FGGY: variants seen among roughly 807,000 people sequenced by gnomAD.
The protein encoded by FGGY is FGGY carbohydrate kinase domain containing, also known as FGGY carbohydrate kinase domain-containing protein.
Under a neutral mutation model 71.3 loss-of-function variants are expected in FGGY, and 72 were observed. That is an observed-to-expected ratio of 1.01 (90% CI 0.84 to 1.23). The LOEUF (loss-of-function observed/expected upper bound fraction) is 1.23. Ranked by LOEUF, FGGY falls within the 50% of genes most tolerant of loss-of-function variation. The pLI is 0.00. For missense variants in FGGY, 668 were observed against 682.3 expected, an observed-to-expected ratio of 0.98 and a Z score of 0.23; for synonymous variants, 251 against 250.3, an observed-to-expected ratio of 1.00 and a Z score of -0.02.
intron 7 of FGGY, among the ~76,000 whole-genome samples, chr1:59,534,039 C>A (rs375577958): frequency 1.3e-5 from 2 of 152,092 alleles, no homozygotes; most frequent in African/African-American, 2.4e-5. Context: ...CTCCGAGCTA[C>A]GGGAGGACAT....
intron 2 of FGGY, among the ~76,000 whole-genome samples, chr1:59,325,120 A>G (rs1049735497): frequency 1.3e-5 from 2 of 152,088 alleles, no homozygotes; most frequent in Non-Finnish European, 2.9e-5. Context: ...TTGGGAGGCC[A>G]AGGCGGGCGG....
chr1:59,429,901 G>A (rs527579869), intron 5 of FGGY, among the ~76,000 whole-genome samples: 7 of 152,242 alleles, frequency 4.6e-5, no homozygotes, highest in South Asian at 4.2e-4. Context: ...TTCTTTCTTT[G>A]ATTCTTTTCA....
intron 1 of FGGY, among the ~76,000 whole-genome samples, chr1:59,300,841 A>G (rs754081528): frequency 6.6e-6 from 1 of 152,200 alleles, no homozygotes; most frequent in Non-Finnish European, 1.5e-5. Context: ...TCTCTTGTCT[A>G]TTTTAATGCG....
Position 59,554,238 on chromosome 1 carries a change from T to G in FGGY, c.903+11T>G. On this transcript the variant is annotated intron_variant, in intron 8 of 15. Transcript: ENST00000303721. ...TCTTGTCACATGGGGGTGAGTCCACTGAGCACAAAGGCAAGGCCACCACAC... is the reference window on the plus strand; with the variant it reads ...TCTTGTCACATGGGGGTGAGTCCACGGAGCACAAAGGCAAGGCCACCACAC... The G allele has an allele frequency of 6.2e-7, 1 of 1,608,836 alleles. No homozygotes were observed. Among genetic ancestry groups the G allele is most frequent in the Non-Finnish European group, 8.5e-7 (1 of 1,176,068 alleles).
At chr1:59,461,954 C>A (rs2092266568) in intron 6 of FGGY, among the ~76,000 whole-genome samples, 1 of 151,880 alleles carries the variant, frequency 6.6e-6, no homozygotes, top group Non-Finnish European at 1.5e-5. Context: ...TTAGGTATAT[C>A]TCCTAATGCT....
intron 4 of FGGY, among the ~76,000 whole-genome samples, chr1:59,361,115 G>A (rs2055416910): frequency 1.3e-5 from 2 of 152,190 alleles, no homozygotes; most frequent in African/African-American, 4.8e-5. Flanking sequence ...AATGATGGCT[G>A]TAAAAATGGG....
intron 6 of FGGY, among the ~76,000 whole-genome samples, chr1:59,502,148 G>A (rs1359496469): frequency 6.6e-6 from 1 of 152,222 alleles, no homozygotes; most frequent in Non-Finnish European, 1.5e-5. Context: ...AGCCCTGTGA[G>A]TGATAAAGCC....
intron 6 of FGGY, among the ~76,000 whole-genome samples, chr1:59,472,723 C>A (rs566818116): frequency 8.5e-5 from 13 of 152,142 alleles, no homozygotes; most frequent in Non-Finnish European, 1.6e-4. Flanking sequence ...CTGGTGGGGA[C>A]TTGGAGAACC....
intron 5 of FGGY, among the ~76,000 whole-genome samples, chr1:59,396,685 G>A (rs539805594): frequency 1.3e-5 from 2 of 152,302 alleles, no homozygotes; most frequent in South Asian, 2.1e-4. Flanking sequence ...TCCCAGTTCA[G>A]TCTCTCTATC....
At chr1:59,466,698 T>C (rs1391443535) in intron 6 of FGGY, among the ~76,000 whole-genome samples, 1 of 152,140 alleles carries the variant, frequency 6.6e-6, no homozygotes, top group African/African-American at 2.4e-5. Context: ...GGGCAACGGA[T>C]ATGAACAGAC....
chr1:59,451,163 T>C (rs1337238115), intron 5 of FGGY, among the ~76,000 whole-genome samples: 1 of 152,064 alleles, frequency 6.6e-6, no homozygotes, highest in Admixed American at 6.5e-5. Context: ...CTTTTATTCC[T>C]TGTTACTTTG....
chr1:59,456,763 GA>G (rs1271400085), intron 5 of FGGY, among the ~76,000 whole-genome samples, 197 bp from the exon 6 acceptor site: 7 of 152,108 alleles, frequency 4.6e-5, no homozygotes, highest in Non-Finnish European at 1.0e-4. Flanking sequence ...TGAGACTTTT[GA>G]AAGTGAAGGA....
intron 2 of FGGY, among the ~76,000 whole-genome samples, chr1:59,335,706 T>C (rs1041018202): frequency 6.6e-6 from 1 of 152,196 alleles, no homozygotes; most frequent in Admixed American, 6.5e-5. Flanking sequence ...GATAATATTC[T>C]AGTAAGTGTG....
intron 6 of FGGY, among the ~76,000 whole-genome samples, chr1:59,471,392 A>G (rs962382806): frequency 1.2e-4 from 19 of 152,144 alleles, no homozygotes; most frequent in Non-Finnish European, 2.4e-4. Context: ...CTTTATAGCA[A>G]TGTGAAGATG....
At chr1:59,378,574 T>TA (rs764087027) in intron 4 of FGGY, among the ~76,000 whole-genome samples, 175 bp from the exon 5 acceptor site, 23 of 152,276 alleles carry the variant, frequency 1.5e-4, no homozygotes, top group Non-Finnish European at 2.5e-4. Context: ...TGTCAGTTTT[T>TA]CTTTCCTGTA....
chr1:59,597,787 C>T (rs1219495324), intron 8 of FGGY, among the ~76,000 whole-genome samples: 1 of 152,212 alleles, frequency 6.6e-6, no homozygotes, highest in Non-Finnish European at 1.5e-5. Context: ...TTTAACGGAA[C>T]TCTAAAGTCT....
Position 59,607,802 on chromosome 1 carries a change from G to A in FGGY, c.904-1G>A. 1 of 1,612,802 alleles carries A rather than the reference G, an allele frequency of 6.2e-7. No homozygotes were observed. Among genetic ancestry groups the A allele is most frequent in the South Asian group, 1.1e-5 (1 of 90,990 alleles). On this transcript the variant is annotated splice_acceptor_variant, in intron 8 of 15. Coordinates refer to ENST00000303721, the MANE Select transcript of FGGY (RefSeq NM_018291.5). LOFTEE classifies it high-confidence loss of function. ...CACATATTTTCCATCTTTCTTTCCA[G>A]ATCAGCAAAGACCCGATTTTTGTAC... is the stretch of plus-strand genomic sequence containing the variant.
intron 4 of FGGY, among the ~76,000 whole-genome samples, chr1:59,369,637 C>T (rs551268117): frequency 3.3e-4 from 51 of 152,290 alleles, no homozygotes; most frequent in South Asian, 2.1e-4. Flanking sequence ...CCCTGACCCC[C>T]GAGCAGCCTA....
In FGGY at chr1:59,500,507, T is replaced by A. The variant is rs537730134; in HGVS notation, c.671-11804T>A. Among the ~76,000 whole-genome samples the A allele has an allele frequency of 5.9e-5, 9 of 152,060 alleles. No homozygotes were observed. In the South Asian group the frequency reaches 1.9e-3, roughly 32 times the overall value. On this transcript the variant is annotated intron_variant, in intron 6 of 15. Transcript: ENST00000303721. ...TCACAGTGCCTCTTATAGATGGCTT[T>A]TATGATATATATCTGCAGAGAAACT...
Sources: gnomAD v4.1 joint callset for allele counts (sites outside exome capture counted in the v4.1 genomes callset) on GRCh38, gnomAD v4.1.1 for gene constraint, MANE v1.5 for transcripts, NCBI Gene and HGNC (gene_info 2026-07-23, HGNC 2026-07-21) for gene names.